Variants in CAPN8 observed in about 807,000 individuals in gnomAD.
The protein encoded by CAPN8 is calpain 8.
CAPN8 carries 87 observed loss-of-function variants against 80.9 expected under a neutral mutation model. The ratio of observed to expected loss-of-function variants is 1.07; its 90% CI spans 0.90 to 1.28. The LOEUF is 1.28. Among genes scored for constraint, CAPN8 ranks in the 50% most tolerant of loss-of-function variants. The pLI is 0.00. For missense variants in CAPN8, 757 were observed against 702.0 expected (o/e 1.08, Z -0.89); for synonymous variants, 299 against 273.8 (o/e 1.09, Z -0.91).
At chr1:223,625,940 C>T (rs777286237) in intron 5 of CAPN8, 52 bp from the exon 6 acceptor site, 50 of 1,431,694 alleles carry the variant, frequency 3.5e-5, no homozygotes, top group Non-Finnish European at 4.1e-5. Flanking sequence ...TCTCAGGGGC[C>T]GGCCGTAGAA....
chr1:223,544,902 C>T (rs1164539564), intron 17 of CAPN8, 52 bp from the exon 18 acceptor site: 2 of 1,550,358 alleles, frequency 1.3e-6, no homozygotes, highest in African/African-American at 1.4e-5. Context: ...CGGCCCCTGC[C>T]AGAACCATCT....
chr1:223,551,332 G>A (rs567519816), intron 14 of CAPN8, among the ~76,000 whole-genome samples: 4 of 152,088 alleles, frequency 2.6e-5, no homozygotes, highest in South Asian at 4.1e-4. Context: ...TAGTAGAGAC[G>A]GGGTTTCACC....
At chr1:223,556,625 C>T (rs1231821180) in intron 13 of CAPN8, among the ~76,000 whole-genome samples, 1 of 152,148 alleles carries the variant, frequency 6.6e-6, no homozygotes, top group Non-Finnish European at 1.5e-5. Context: ...TGCTTGGGAG[C>T]TTTAGAAAAC....
chr1:223,609,076 C>T (rs1656969514), intron 12 of CAPN8, 77 bp downstream of exon 12: 2 of 397,294 alleles, frequency 5.0e-6, no homozygotes, highest in Non-Finnish European at 8.9e-6. Flanking sequence ...TGGGGTGGGT[C>T]CTGCACCTGC....
rs1571749625 is a variant in CAPN8, at chr1:223,665,626, A to T, written c.21T>A (p.Gly7=). The T allele has an allele frequency of 6.4e-7, 1 of 1,551,406 alleles. No individual in the cohort carries two copies. The highest frequency in any genetic ancestry group is 1.4e-5 in the African/African-American group (1 of 73,132). MAAQAA[G]VSRQRAATQG... ...GAGTGGCTGCCCGCTGCCTAGATAC[A>T]CCAGCTGCCTGGGCTGCCATGGCCG... Residue 7 remains glycine, a synonymous_variant, in exon 1 of 21, where the codon GGT becomes GGA. Coordinates refer to ENST00000366872, the MANE Select transcript of CAPN8 (RefSeq NM_001143962.2).
intron 4 of CAPN8, 106 bp from the exon 5 acceptor site, chr1:223,627,263 G>T: frequency 7.7e-7 from 1 of 1,296,646 alleles, no homozygotes; most frequent in Non-Finnish European, 1.1e-6. Context: ...GGAAGATAAA[G>T]GAAGGCTCTT....
At chr1:223,556,616 G>T (rs1348544471) in intron 13 of CAPN8, among the ~76,000 whole-genome samples, 3 of 152,180 alleles carry the variant, frequency 2.0e-5, no homozygotes, top group African/African-American at 7.2e-5. Context: ...ACTTCCTGTT[G>T]CTTGGGAGCT....
chr1:223,618,392 C>T (rs1572234236), intron 9 of CAPN8: 1 of 1,423,226 alleles, frequency 7.0e-7, no homozygotes, highest in African/African-American at 1.4e-5. Flanking sequence ...ATACTATCTC[C>T]ACCAGGGTCT....
At chr1:223,614,795 T>G (rs772794425) in intron 10 of CAPN8, among the ~76,000 whole-genome samples, 34 of 152,226 alleles carry the variant, frequency 2.2e-4, no homozygotes, top group Non-Finnish European at 4.0e-4. Flanking sequence ...TTTGTTGAAT[T>G]GATGCGCATA....
intron 1 of CAPN8, among the ~76,000 whole-genome samples, chr1:223,664,228 TC>T (rs2102743512): frequency 6.6e-6 from 1 of 152,264 alleles, no homozygotes; most frequent in East Asian, 1.9e-4. Flanking sequence ...TCCGTCTGCA[TC>T]CACAGAGCCC....
At chr1:223,629,624 C>G (rs970395051) in intron 2 of CAPN8, among the ~76,000 whole-genome samples, 2 of 152,230 alleles carry the variant, frequency 1.3e-5, no homozygotes, top group African/African-American at 4.8e-5. Flanking sequence ...CCTACCTTAG[C>G]ATCCTATGGC....
At chr1:223,542,932 T>C (rs1656508218) in intron 20 of CAPN8, among the ~76,000 whole-genome samples, 176 bp downstream of exon 20, 2 of 152,152 alleles carry the variant, frequency 1.3e-5, no homozygotes, top group Admixed American at 6.5e-5. Context: ...AACAAAAATG[T>C]TTGGAAAACT....
chr1:223,551,796 C>T (rs1295496779), intron 14 of CAPN8, among the ~76,000 whole-genome samples: 2 of 152,190 alleles, frequency 1.3e-5, no homozygotes, highest in Non-Finnish European at 2.9e-5. Flanking sequence ...GACGTAATTG[C>T]TTGTGGTTTG....
chr1:223,652,717 CAGG>C (rs1658374543), intron 2 of CAPN8, among the ~76,000 whole-genome samples: 1 of 152,120 alleles, frequency 6.6e-6, no homozygotes, highest in Non-Finnish European at 1.5e-5. Context: ...TGGCTCCTTT[CAGG>C]AGATTGGACT....
chr1:223,644,567 A>T (rs1417583623), intron 2 of CAPN8, among the ~76,000 whole-genome samples: 1 of 152,210 alleles, frequency 6.6e-6, no homozygotes, highest in Non-Finnish European at 1.5e-5. Flanking sequence ...TGCTAGTGAG[A>T]AAGACAAACA....
intron 19 of CAPN8, 145 bp from the exon 20 acceptor site, chr1:223,543,311 C>A: frequency 1.1e-6 from 1 of 929,600 alleles, no homozygotes; most frequent in Non-Finnish European, 1.6e-6. Flanking sequence ...CCCACCTAGG[C>A]CCAGGGGCCT....
intron 2 of CAPN8, among the ~76,000 whole-genome samples, chr1:223,652,561 C>T (rs1248912085): frequency 6.6e-6 from 1 of 152,082 alleles, no homozygotes; most frequent in Non-Finnish European, 1.5e-5. Context: ...CACAATTCAC[C>T]CACTGTTCAG....
At chr1:223,654,912 G>A (rs1658440648) in intron 1 of CAPN8, among the ~76,000 whole-genome samples, 1 of 139,768 alleles carries the variant, frequency 7.2e-6, no homozygotes, top group South Asian at 2.3e-4. Context: ...GGCTGATGTT[G>A]AACTGACCTC....
At position 223,628,769 on chromosome 1, in the gene CAPN8, G is replaced by A; in HGVS notation, c.319C>T (p.Leu107Phe). Reference sequence around the variant, plus strand: ...GTCAGGGAGGCAATGGCAGCCAGAAGCCAGCAGTCACCTGCACAGTGTCAC... The same window carrying A: ...GTCAGGGAGGCAATGGCAGCCAGAAACCAGCAGTCACCTGCACAGTGTCAC... ...ICQGGLGDCWLLAAIASLTLN... is the reference protein window; with the variant it reads ...ICQGGLGDCWFLAAIASLTLN... Residue 107 changes from leucine to phenylalanine, a missense_variant, in exon 3 of 21, where the codon CTT becomes TTT. Transcript: ENST00000366872. The A allele has an allele frequency of 5.1e-6, 8 of 1,554,752 alleles. No homozygotes were observed. Among genetic ancestry groups the A allele is most frequent in the Non-Finnish European group, 7.0e-6 (8 of 1,148,900 alleles).
Sources: allele counts gnomAD v4.1 joint callset (sites outside exome capture counted in the v4.1 genomes callset), GRCh38; gene constraint gnomAD v4.1.1; transcripts MANE v1.5; gene names NCBI Gene and HGNC (gene_info 2026-07-23, HGNC 2026-07-21).